FSD1L: variants seen among roughly 807,000 people sequenced by gnomAD.
The protein encoded by FSD1L is fibronectin type III and SPRY domain containing 1 like.
Under a neutral mutation model 71.6 loss-of-function variants are expected in FSD1L, and 45 were observed. The ratio of observed to expected loss-of-function variants is 0.63; its 90% CI spans 0.49 to 0.81. The LOEUF is 0.81. Ranked by LOEUF, FSD1L falls within the 30% of genes least tolerant of loss-of-function variation. FSD1L has a pLI of 0.00. For missense variants in FSD1L, 561 were observed against 618.1 expected (o/e 0.91, Z 0.98); for synonymous variants, 197 against 207.2 (o/e 0.95, Z 0.42).
At chr9:105,533,280 A>G (rs750673725) in intron 10 of FSD1L, among the ~76,000 whole-genome samples, 1 of 151,970 alleles carries the variant, frequency 6.6e-6, no homozygotes, top group Non-Finnish European at 1.5e-5. Context: ...AAACATCCCA[A>G]TACTCCAGTT....
chr9:105,524,340 C>T, intron 10 of FSD1L: 1 of 1,613,840 alleles, frequency 6.2e-7, no homozygotes, highest in Non-Finnish European at 8.5e-7. Flanking sequence ...GAAAATTATT[C>T]AGATCCTAAT....
upstream of FSD1L, among the ~76,000 whole-genome samples, chr9:105,446,238 T>C (rs1825092234): frequency 6.6e-6 from 1 of 152,256 alleles, no homozygotes; most frequent in Non-Finnish European, 1.5e-5. Flanking sequence ...TCCTACTTTC[T>C]AGAATGTTCT....
chr9:105,498,223 A>ATTATTGTTG (rs770554725), intron 7 of FSD1L, among the ~76,000 whole-genome samples: 39 of 147,196 alleles, frequency 2.6e-4, no homozygotes, highest in Non-Finnish European at 4.3e-4. Context: ...TATTATTATT[A>ATTATTGTTG]TTGTTTTTAG....
chr9:105,539,706 T>C (rs767972651), intron 13 of FSD1L, among the ~76,000 whole-genome samples: 16 of 152,108 alleles, frequency 1.1e-4, no homozygotes, highest in Non-Finnish European at 2.4e-4. Flanking sequence ...TAGCACTGTA[T>C]TGACTTTTAA....
At chr9:105,475,022 T>C (rs868631664) in intron 5 of FSD1L, among the ~76,000 whole-genome samples, 2 of 152,240 alleles carry the variant, frequency 1.3e-5, no homozygotes, top group South Asian at 2.1e-4. Context: ...GCTTTATTCC[T>C]GGACTTAATA....
intron 7 of FSD1L, among the ~76,000 whole-genome samples, chr9:105,498,865 C>G (rs1833592578): frequency 6.6e-6 from 1 of 152,140 alleles, no homozygotes; most frequent in Non-Finnish European, 1.5e-5. Flanking sequence ...CTCAAGTGAT[C>G]CGCCCCCCTC....
chr9:105,536,101 A>G (rs552831076), intron 12 of FSD1L, among the ~76,000 whole-genome samples: 1 of 152,248 alleles, frequency 6.6e-6, no homozygotes, highest in Non-Finnish European at 1.5e-5. Context: ...TTCTTAGTAC[A>G]CTATCTCTGC....
intron 7 of FSD1L, among the ~76,000 whole-genome samples, chr9:105,500,285 G>C (rs890812420): frequency 6.6e-6 from 1 of 152,112 alleles, no homozygotes; most frequent in Non-Finnish European, 1.5e-5. Context: ...GTGTGGGAGG[G>C]GCAGCATTCT....
intron 10 of FSD1L, among the ~76,000 whole-genome samples, chr9:105,518,930 AAG>A (rs1278070401): frequency 6.6e-6 from 1 of 152,184 alleles, no homozygotes; most frequent in Non-Finnish European, 1.5e-5. Context: ...TAAAGAAAAA[AAG>A]AGAGAAGAAT....
chr9:105,443,563 G>A (rs1029431213), upstream of FSD1L, among the ~76,000 whole-genome samples: 2 of 152,090 alleles, frequency 1.3e-5, no homozygotes, highest in African/African-American at 4.8e-5. Context: ...GAGTGCCCAG[G>A]ATCAGAAATT....
intron 3 of FSD1L, among the ~76,000 whole-genome samples, chr9:105,466,376 A>C (rs545189697): frequency 2.6e-5 from 4 of 152,372 alleles, no homozygotes; most frequent in African/African-American, 7.2e-5. Flanking sequence ...AGAAATAGAA[A>C]AAATTCTAAA....
intron 10 of FSD1L, chr9:105,520,154 C>A: frequency 1.2e-6 from 2 of 1,609,374 alleles, no homozygotes; most frequent in Non-Finnish European, 1.7e-6. Flanking sequence ...CGCACGGGGA[C>A]GTGAAGAAGT....
chr9:105,528,615 T>TA (rs2131457406), intron 10 of FSD1L, among the ~76,000 whole-genome samples: 1 of 152,302 alleles, frequency 6.6e-6, no homozygotes, highest in African/African-American at 2.4e-5. Flanking sequence ...CCTTACACCT[T>TA]ACACAAAAAT....
intron 3 of FSD1L, among the ~76,000 whole-genome samples, chr9:105,467,590 A>G (rs538675423): frequency 1.3e-5 from 2 of 152,288 alleles, no homozygotes; most frequent in East Asian, 3.9e-4. Context: ...TTTGACTACA[A>G]ATTCTAGTCA....
At chr9:105,526,075 A>G (rs549840475) in intron 10 of FSD1L, 2 of 1,514,618 alleles carry the variant, frequency 1.3e-6, no homozygotes, top group African/African-American at 2.7e-5. Flanking sequence ...CATGTTCAGT[A>G]TTCAGATAAT....
Position 105,484,491 on chromosome 9 carries a change from A to C in FSD1L, c.575A>C (p.Lys192Thr). The C allele has an allele frequency of 6.6e-7, 1 of 1,518,422 alleles. No homozygotes were observed. Among genetic ancestry groups the C allele is most frequent in the Non-Finnish European group, 8.8e-7 (1 of 1,134,034 alleles). 94.1% of individuals were successfully genotyped at this position (1,518,422 alleles called of 1,614,324 possible). A position where few individuals can be genotyped will look rare whatever the true frequency, so the allele number is the denominator to read the frequency against. Residue 192 changes from lysine to threonine, a missense_variant, in exon 7 of 14, where the codon AAG (lysine) becomes ACG (threonine). By Grantham distance (78) the Lys-to-Thr change is moderately conservative. Transcript: ENST00000481272. ...GAAAGACAGATGCTGCAAACTTTGA[A>C]GTTTTTGCCAGGTAAATACATGTAT... ...SQERQMLQTLKFLPVPKAPEI... is the reference protein window; with the variant it reads ...SQERQMLQTLTFLPVPKAPEI...
chr9:105,487,975 C>G (rs2131727392), intron 7 of FSD1L, among the ~76,000 whole-genome samples: 1 of 152,274 alleles, frequency 6.6e-6, no homozygotes, highest in East Asian at 1.9e-4. Flanking sequence ...ATCAATGTCT[C>G]CCACCAGAGT....
At chr9:105,491,740 G>A (rs973693157) in intron 7 of FSD1L, among the ~76,000 whole-genome samples, 41 of 152,086 alleles carry the variant, frequency 2.7e-4, no homozygotes, top group Non-Finnish European at 4.0e-4. Flanking sequence ...GGCCTTTTCT[G>A]CATCTATTGA....
intron 1 of FSD1L, among the ~76,000 whole-genome samples, chr9:105,459,158 C>A (rs1321204678): frequency 1.3e-5 from 2 of 152,148 alleles, no homozygotes; most frequent in Admixed American, 6.6e-5. Context: ...ACTCCTACCA[C>A]CATAGAGAAA....
Sources: allele counts gnomAD v4.1 joint callset (sites outside exome capture counted in the v4.1 genomes callset), GRCh38; gene constraint gnomAD v4.1.1; transcripts MANE v1.5; gene names NCBI Gene and HGNC (gene_info 2026-07-23, HGNC 2026-07-21).